WDPCP: variants seen among roughly 807,000 people sequenced by gnomAD.
WDPCP encodes WD repeat containing planar cell polarity effector, also known as WD repeat-containing and planar cell polarity effector protein fritz homolog.
WDPCP carries 71 observed loss-of-function variants against 93.1 expected under a neutral mutation model. The observed-to-expected ratio is 0.76, with a 90% CI of 0.63 to 0.93. The LOEUF is 0.93. Among genes scored for constraint, WDPCP ranks in the 40% least tolerant of loss-of-function variants. The probability of loss-of-function intolerance (pLI) is 0.00; values close to 1 mark genes in which losing one functional copy is unlikely to be tolerated. For synonymous variants in WDPCP, 315 were observed against 315.0 expected (o/e 1.00, Z 0.00); for missense variants, 844 against 887.4 (o/e 0.95, Z 0.62).
intron 12 of WDPCP, among the ~76,000 whole-genome samples, chr2:63,323,244 C>CCT (rs1687264016): frequency 6.6e-6 from 1 of 152,190 alleles, no homozygotes; most frequent in East Asian, 1.9e-4. Flanking sequence ...CTTCCCCTTG[C>CCT]CTCTCTTCTC....
intron 13 of WDPCP, among the ~76,000 whole-genome samples, chr2:63,281,748 CTCACTCACAAG>C (rs1410914661): frequency 3.9e-5 from 6 of 152,130 alleles, no homozygotes; most frequent in Non-Finnish European, 8.8e-5. Flanking sequence ...ATCGTATGTT[CTCACTCACAAG>C]TGGGAGCTAA....
intron 14 of WDPCP, chr2:63,228,671 G>A (rs996397610): frequency 1.3e-5 from 2 of 151,762 alleles, no homozygotes; most frequent in African/African-American, 4.8e-5. Context: ...CTATGAGTGA[G>A]AACATATGGT....
chr2:63,631,894 A>G (rs1231565852), intron 3 of WDPCP, among the ~76,000 whole-genome samples: 3 of 152,218 alleles, frequency 2.0e-5, no homozygotes, highest in Non-Finnish European at 4.4e-5. Context: ...TGTAGTGTTC[A>G]TTGGTGCCAA....
intron 1 of WDPCP, among the ~76,000 whole-genome samples, chr2:63,510,550 C>A (rs1702165787): frequency 6.6e-6 from 1 of 152,220 alleles, no homozygotes. Flanking sequence ...CTCACCACTC[C>A]TATTCAACAC....
At chr2:63,181,765 A>G (rs1435031625) in intron 14 of WDPCP, among the ~76,000 whole-genome samples, 1 of 151,068 alleles carries the variant, frequency 6.6e-6, no homozygotes, top group Non-Finnish European at 1.5e-5. Flanking sequence ...CATTCAATCT[A>G]TACATCTGTA....
chr2:63,121,746 A>G lies in WDPCP; in HGVS notation c.*260T>C, dbSNP rs1223129386. ...TTTTGTAGCACCTAATTAACATACA[A>G]TTTAAGACACTTTCAAAATTTTACA... On this transcript the variant is annotated 3_prime_UTR_variant, in exon 18 of 18. Transcript: ENST00000272321. 1.2e-6 allele frequency: 1 copy of G among 869,110 alleles called. No homozygotes were observed. The highest frequency in any genetic ancestry group is 3.6e-5 in the Admixed American group (1 of 27,456). The allele number at this position is 869,110 out of a possible 1,614,324, so 53.8% of individuals were successfully genotyped here. A position where few individuals can be genotyped will look rare whatever the true frequency, so the allele number is the denominator to read the frequency against.
At chr2:63,622,826 A>C (rs2422001) in intron 3 of WDPCP, 1 of 1,609,584 alleles carries the variant, frequency 6.2e-7, no homozygotes, top group Admixed American at 1.7e-5. Context: ...GGAAATACTT[A>C]ACCATCGTCC....
At chr2:63,239,200 A>G (rs1679662374) in intron 14 of WDPCP, among the ~76,000 whole-genome samples, 1 of 152,192 alleles carries the variant, frequency 6.6e-6, no homozygotes, top group South Asian at 2.1e-4. Flanking sequence ...TATTATTTCT[A>G]TGAAAGTAGG....
At chr2:63,721,307 A>G (rs1669409385) in intron 2 of WDPCP, among the ~76,000 whole-genome samples, 1 of 152,216 alleles carries the variant, frequency 6.6e-6, no homozygotes, top group Non-Finnish European at 1.5e-5. Context: ...TATGCCAGCT[A>G]ATGGAAATCA....
chr2:63,669,136 C>T (rs1225603601), intron 2 of WDPCP, among the ~76,000 whole-genome samples: 1 of 152,186 alleles, frequency 6.6e-6, no homozygotes, highest in African/African-American at 2.4e-5. Flanking sequence ...AAGATCCATA[C>T]TCAGGCAAAA....
chr2:63,764,460 G>A (rs1670109616), intron 2 of WDPCP, among the ~76,000 whole-genome samples: 1 of 152,132 alleles, frequency 6.6e-6, no homozygotes, highest in African/African-American at 2.4e-5. Context: ...AGCTACCTGG[G>A]ATGATCCTGG....
intron 2 of WDPCP, among the ~76,000 whole-genome samples, chr2:63,741,294 C>T (rs1669710754): frequency 1.3e-5 from 2 of 152,002 alleles, no homozygotes; most frequent in South Asian, 2.1e-4. Context: ...GTCTCAGGTC[C>T]CTCGGACCTT....
At chr2:63,313,886 A>ATATTTTT in intron 12 of WDPCP, among the ~76,000 whole-genome samples, 5 of 74,502 alleles carry the variant, frequency 6.7e-5, no homozygotes, top group Non-Finnish European at 1.0e-4. Flanking sequence ...ATATATATAT[A>ATATTTTT]TTTTTTTTTT....
At chr2:63,122,598 T>C (rs1669620809) in intron 17 of WDPCP, among the ~76,000 whole-genome samples, 1 of 152,182 alleles carries the variant, frequency 6.6e-6, no homozygotes, top group Admixed American at 6.5e-5. Context: ...TTTTGCACCT[T>C]CTGCCCATCC....
At chr2:63,312,889 A>G (rs1237985974) in intron 13 of WDPCP, among the ~76,000 whole-genome samples, 3 of 152,106 alleles carry the variant, frequency 2.0e-5, no homozygotes, top group Non-Finnish European at 4.4e-5. Context: ...CTTTTGCCCT[A>G]TGTCCTGGAT....
chr2:63,714,678 A>C (rs1015166984), intron 2 of WDPCP, among the ~76,000 whole-genome samples: 21 of 151,992 alleles, frequency 1.4e-4, no homozygotes, highest in African/African-American at 4.1e-4. Flanking sequence ...AAATACAAAA[A>C]ATTAGCCGGG....
At chr2:63,657,307 C>G in intron 2 of WDPCP, among the ~76,000 whole-genome samples, 1 of 148,630 alleles carries the variant, frequency 6.7e-6, no homozygotes, top group Admixed American at 6.8e-5. Context: ...TGGGTTCATG[C>G]CATTCTCCTG....
chr2:63,647,849 TA>T lies in WDPCP; in HGVS notation n.488+2809del. On this transcript the variant is annotated intron_variant and non_coding_transcript_variant, in intron 3 of 4. Coordinates refer to the WDPCP transcript ENST00000467687. ...ATTATCTCAAAATAAAAAGTTTAATTAAAAAAAACTTGGTTCTTGGGCCCCA... is the reference window on the plus strand; with the variant it reads ...ATTATCTCAAAATAAAAAGTTTAATTAAAAAAACTTGGTTCTTGGGCCCCA... 1.3e-5 allele frequency among the ~76,000 whole-genome samples: 2 copies of T among 152,062 alleles called. 1 individual carries two copies. Among genetic ancestry groups the T allele is most frequent in the Middle Eastern group, 6.8e-3 (2 of 294 alleles).
chr2:63,340,143 T>A (rs920080682), intron 12 of WDPCP, among the ~76,000 whole-genome samples: 1 of 152,186 alleles, frequency 6.6e-6, no homozygotes, highest in Non-Finnish European at 1.5e-5. Context: ...TTGTTTTTTA[T>A]TGAATATATT....
Sources: allele counts gnomAD v4.1 joint callset (sites outside exome capture counted in the v4.1 genomes callset), GRCh38; gene constraint gnomAD v4.1.1; transcripts MANE v1.5; gene names NCBI Gene and HGNC (gene_info 2026-07-23, HGNC 2026-07-21).